The following PTOV1 variants were observed in gnomAD, a reference collection of about 807,000 sequenced individuals.
The protein encoded by PTOV1 is prostate tumor-overexpressed gene 1 protein.
A neutral mutation model predicts 58.0 loss-of-function variants in PTOV1; 20 were observed. The ratio of observed to expected loss-of-function variants is 0.34; its 90% confidence interval spans 0.24 to 0.50. The LOEUF (loss-of-function observed/expected upper bound fraction) is 0.50. Ranked by LOEUF, PTOV1 falls within the 20% of genes least tolerant of loss-of-function variation. The pLI, the probability that PTOV1 is intolerant of heterozygous loss-of-function variation, is 0.98. For missense variants in PTOV1, 593 were observed against 565.4 expected (o/e 1.05, Z -0.50); for synonymous variants, 335 against 234.2 (o/e 1.43, Z -3.93).
intron 1 of PTOV1, chr19:49,852,068 G>A: frequency 1.0e-6 from 1 of 985,448 alleles, no homozygotes; most frequent in Non-Finnish European, 1.2e-6. Flanking sequence ...AGCTTCGCAG[G>A]TACTTTGGGC....
At chr19:49,854,093 T>C (rs2074362792) in intron 1 of PTOV1, among the ~76,000 whole-genome samples, 1 of 152,166 alleles carries the variant, frequency 6.6e-6, no homozygotes. Flanking sequence ...GTCTCAAGAA[T>C]CGATCAGGCG....
chr19:49,857,007 C>T (rs566469749), exon 6 of PTOV1: 6 of 1,613,756 alleles, frequency 3.7e-6, no homozygotes, highest in South Asian at 1.1e-5. Flanking sequence ...ACATCTCCCC[C>T]TGTGAGGTGC....
Position 49,859,496 on chromosome 19 carries a change from C to T in PTOV1, c.1042-490C>T, listed in dbSNP as rs189185714. On this transcript the variant is annotated intron_variant, in intron 10 of 11. Coordinates refer to ENST00000391842, the Ensembl canonical transcript of PTOV1. ...CTGAGTCACAAGAATGGCTTGAACC[C>T]GGGAGGCAGAGGTTGCAGTGAGCTG... Among the ~76,000 whole-genome samples, 1,383 of 151,842 alleles carry T rather than the reference C, an allele frequency of 9.1e-3. 18 individuals are homozygous for T. The highest frequency in any genetic ancestry group is 0.032 in the African/African-American group (1,315 of 41,336).
upstream of PTOV1, chr19:49,851,061 G>A (rs1015907305): frequency 1.9e-4 from 286 of 1,481,084 alleles, no homozygotes; most frequent in Middle Eastern, 3.8e-4. Flanking sequence ...CCCACACTCC[G>A]CTCCCGCCCG....
chr19:49,858,342 T>TG, intron 9 of PTOV1: 1 of 693,654 alleles, frequency 1.4e-6, no homozygotes, highest in Non-Finnish European at 2.4e-6. Flanking sequence ...AGCCACGACC[T>TG]GCACCTGGGG....
intron 5 of PTOV1, chr19:49,855,326 G>C: frequency 1.9e-6 from 1 of 535,424 alleles, no homozygotes; most frequent in Non-Finnish European, 3.4e-6. Context: ...CCCTGGGGGC[G>C]TGAGTGCAGG....
chr19:49,850,726 C>A, upstream of PTOV1: 1 of 900,708 alleles, frequency 1.1e-6, no homozygotes, highest in Non-Finnish European at 1.6e-6. Context: ...TCACCGACTG[C>A]AAACCTTCAG....
intron 4 of PTOV1, 31 bp downstream of exon 4, chr19:49,854,919 C>CT (rs768787268): frequency 3.0e-5 from 47 of 1,561,828 alleles, no homozygotes; most frequent in Non-Finnish European, 4.0e-5. Flanking sequence ...CCCATCCACT[C>CT]TGAGCACCCC....
chr19:49,856,374 T>C (rs2074466974), intron 5 of PTOV1: 1 of 154,992 alleles, frequency 6.5e-6, no homozygotes, highest in Non-Finnish European at 1.4e-5. Flanking sequence ...GACAGCACTG[T>C]GGGGGTGGCC....
rs553423378 is a variant in PTOV1 at position 49,854,755 on chromosome 19, G to T, written c.392+21G>T. ...AACCTGTGAGTGCCGGGGCGTGGCAGCCAGGGCGGTGGCAGGGGCAGTGGC... is the reference window on the plus strand; with the variant it reads ...AACCTGTGAGTGCCGGGGCGTGGCATCCAGGGCGGTGGCAGGGGCAGTGGC... On this transcript the variant is annotated intron_variant, in intron 3 of 11. Coordinates refer to ENST00000391842, the Ensembl canonical transcript of PTOV1. 2.5e-6 allele frequency: 4 copies of T among 1,613,292 alleles called. No individual in the cohort carries two copies. The African/African-American group carries it at 4.0e-5, about 16-fold the overall frequency.
rs148982635 is a variant in PTOV1 at position 49,854,633 on chromosome 19, G to A, written c.310-19G>A. On this transcript the variant is annotated intron_variant, in intron 2 of 11. Transcript: ENST00000391842. Reference sequence around the variant, plus strand: ...GGGCATCTAGGCTGTGCACAGTGACGCCCCTCCTGCCCCCACAGAAGCGCA... The same window carrying A: ...GGGCATCTAGGCTGTGCACAGTGACACCCCTCCTGCCCCCACAGAAGCGCA... 245 of 1,613,248 alleles carry A rather than the reference G, an allele frequency of 1.5e-4. No individual in the cohort carries two copies. In the African/African-American group the frequency reaches 2.3e-3, roughly 15 times the overall value.
At position 49,858,126 on chromosome 19, in the gene PTOV1, G is replaced by T. The variant is rs767133321; in HGVS notation, c.936+12G>T. On this transcript the variant is annotated intron_variant, in intron 9 of 11. Transcript: ENST00000391842. Reference sequence around the variant, plus strand: ...CGCAGCAGCTGCTGGTGAGGGGCTGGGGCCGGGTGCTGGAGCCTGCACGCA... The same window carrying T: ...CGCAGCAGCTGCTGGTGAGGGGCTGTGGCCGGGTGCTGGAGCCTGCACGCA... 3 of 1,612,188 alleles carry T rather than the reference G, an allele frequency of 1.9e-6. No individual in the cohort carries two copies. The South Asian group carries it at 3.3e-5, about 18-fold the overall frequency.
chr19:49,852,137 C>T, intron 1 of PTOV1: 8 of 933,902 alleles, frequency 8.6e-6, no homozygotes, highest in East Asian at 1.2e-4. Context: ...GTAAGGTTTA[C>T]CTGGGGCTGT....
At chr19:49,856,234 A>ACT (rs2074458427) in intron 5 of PTOV1, 1 of 151,506 alleles carries the variant, frequency 6.6e-6, no homozygotes, top group African/African-American at 2.4e-5. Flanking sequence ...GGACATCCAT[A>ACT]CTCACCCCCC....
intron 10 of PTOV1, 131 bp downstream of exon 10, chr19:49,858,784 T>C: frequency 5.2e-6 from 4 of 775,990 alleles, no homozygotes; most frequent in East Asian, 2.7e-5. Flanking sequence ...GGGTGGCTAG[T>C]GTGGGCGTGA....
At chr19:49,852,720 AT>A (rs2074301513) in intron 1 of PTOV1, 1 of 152,232 alleles carries the variant, frequency 6.6e-6, no homozygotes, top group Non-Finnish European at 1.5e-5. Flanking sequence ...ACAAGCAGAC[AT>A]TAAGTATGTC....
At chr19:49,859,508 G>A (rs1323065970) in intron 10 of PTOV1, among the ~76,000 whole-genome samples, 2 of 151,850 alleles carry the variant, frequency 1.3e-5, no homozygotes, top group African/African-American at 2.4e-5. Flanking sequence ...GGAGGCAGAG[G>A]TTGCAGTGAG....
chr19:49,853,703 T>A (rs985948148), intron 1 of PTOV1, among the ~76,000 whole-genome samples: 1 of 152,204 alleles, frequency 6.6e-6, no homozygotes, highest in Admixed American at 6.5e-5. Context: ...GAACTTTCTC[T>A]TGGTGTTCTA....
chr19:49,860,301 C>T (rs772623302), exon 12 of PTOV1: 10 of 1,612,138 alleles, frequency 6.2e-6, no homozygotes, highest in East Asian at 2.2e-5. Flanking sequence ...GGCTGGGCCC[C>T]TCCAGGAGTC....
Sources: gnomAD v4.1 joint callset for allele counts (sites outside exome capture counted in the v4.1 genomes callset) on GRCh38, gnomAD v4.1.1 for gene constraint, MANE v1.5 for transcripts, NCBI Gene and HGNC (gene_info 2026-07-23, HGNC 2026-07-21) for gene names.